DNM1L: variants seen among roughly 807,000 people sequenced by gnomAD.
DNM1L encodes dynamin-1-like protein.
In DNM1L, 33 loss-of-function variants were observed where a neutral mutation model predicts 92.8. The observed-to-expected ratio is 0.36, with a 90% CI of 0.27 to 0.48. DNM1L has a LOEUF of 0.48. Among genes scored for constraint, DNM1L ranks in the 20% least tolerant of loss-of-function variants. The pLI is 0.99. For synonymous variants in DNM1L, 284 were observed against 305.0 expected, an observed-to-expected ratio of 0.93 and a Z score of 0.72; for missense variants, 485 against 888.8, an observed-to-expected ratio of 0.55 and a Z score of 5.78.
rs772586756 is a variant in DNM1L, at chr12:32,679,344, G to A, written c.-20G>A. 1.3e-6 allele frequency: 2 copies of A among 1,594,544 alleles called. No homozygotes were observed. The highest frequency in any genetic ancestry group is 1.7e-5 in the Admixed American group (1 of 59,556). ...CATTGCCGTGGCCGGCGGGCACTGG[G>A]GCCCCGTGTTTTCAGAGTCATGGAG... On this transcript the variant is annotated 5_prime_UTR_variant, in exon 1 of 20. Coordinates refer to ENST00000549701, the MANE Select transcript of DNM1L (RefSeq NM_012062.5).
chr12:32,737,649 T>G, intron 14 of DNM1L: 1 of 526,554 alleles, frequency 1.9e-6, no homozygotes. Context: ...AGCTTTTGGA[T>G]TTGGATTTTT....
chr12:32,714,215 T>C (rs1399565471), intron 6 of DNM1L, among the ~76,000 whole-genome samples: 2 of 151,914 alleles, frequency 1.3e-5, no homozygotes, highest in African/African-American at 4.8e-5. Context: ...TAGGAAATAG[T>C]GCTAAGACTG....
In DNM1L at chr12:32,731,186, T is replaced by C; in HGVS notation, c.1200+52T>C. The C allele has an allele frequency of 6.2e-7, 1 of 1,612,026 alleles. No homozygotes were observed. Among genetic ancestry groups the C allele is most frequent in the Non-Finnish European group, 8.5e-7 (1 of 1,178,618 alleles). ...TAAAAAAAAATGAGGTTAAAGTTTT[T>C]CTTACCCATATACTGTGTCTTTTTA... is the stretch of plus-strand genomic sequence containing the variant. On this transcript the variant is annotated intron_variant, in intron 10 of 19. Transcript: ENST00000549701. The surrounding 1 kb of genome is among the most constrained non-coding windows in gnomAD (Gnocchi z 5.1).
intron 1 of DNM1L, among the ~76,000 whole-genome samples, chr12:32,690,471 G>A (rs946162263): frequency 2.0e-5 from 3 of 152,102 alleles, no homozygotes; most frequent in Non-Finnish European, 2.9e-5. Flanking sequence ...TTCCCTGGTT[G>A]CCAGTTATCA....
chr12:32,721,503 CCTTG>C (rs1453489284), intron 8 of DNM1L, among the ~76,000 whole-genome samples: 7 of 151,868 alleles, frequency 4.6e-5, no homozygotes, highest in African/African-American at 1.7e-4. Context: ...TGCATTTTTT[CCTTG>C]CTTTTATTAT....
chr12:32,708,358 T>C (rs1953004306), intron 4 of DNM1L, 134 bp downstream of exon 4: 3 of 603,380 alleles, frequency 5.0e-6, no homozygotes, highest in South Asian at 4.1e-5. Context: ...GCGATGGACA[T>C]TGTAAATTCA....
Position 32,740,212 on chromosome 12 carries a change from AAG to A in DNM1L, c.1857_1858del (p.Gly620SerfsTer25). ...CCAATTATGCCAGCCAGTCCACAAA[AAG>A]GTCATGCCGTGAACCTGCTAGATGT... On this transcript the variant is annotated frameshift_variant, in exon 17 of 20. Transcript: ENST00000549701. LOFTEE classifies it high-confidence loss of function. 1 of 1,614,162 alleles carries A rather than the reference AAG, an allele frequency of 6.2e-7. No homozygotes were observed. The highest frequency in any genetic ancestry group is 1.1e-5 in the South Asian group (1 of 91,082).
intron 8 of DNM1L, 41 bp from the exon 9 acceptor site, chr12:32,722,386 A>G: frequency 6.4e-7 from 1 of 1,573,610 alleles, no homozygotes; most frequent in East Asian, 2.2e-5. Context: ...TTTAGAATAC[A>G]CAATTTTACT....
At chr12:32,730,515 T>G (rs1182519291) in intron 9 of DNM1L, among the ~76,000 whole-genome samples, 1 of 152,258 alleles carries the variant, frequency 6.6e-6, no homozygotes, top group Non-Finnish European at 1.5e-5. Flanking sequence ...CAAGCCTGGC[T>G]AACAAGCTAT....
At chr12:32,686,821 T>G (rs10844286) in intron 1 of DNM1L, among the ~76,000 whole-genome samples, 23,401 of 152,188 alleles carry the variant, frequency 0.15, 1,915 homozygotes, top group Middle Eastern at 0.21. Context: ...ATTATAGTCA[T>G]CCTAATGGGT....
At chr12:32,701,352 T>C in intron 1 of DNM1L, 63 bp from the exon 2 acceptor site, 3 of 1,413,086 alleles carry the variant, frequency 2.1e-6, no homozygotes, top group Non-Finnish European at 3.0e-6. Flanking sequence ...TAATATAGTT[T>C]ATTGAATTAA....
chr12:32,718,388 C>T (rs182109015), intron 6 of DNM1L, among the ~76,000 whole-genome samples: 19 of 151,848 alleles, frequency 1.3e-4, no homozygotes, highest in South Asian at 4.2e-4. Flanking sequence ...GTGATCCACC[C>T]GCCTTGGCCT....
chr12:32,742,053 AAG>A (rs1955337476), intron 18 of DNM1L, among the ~76,000 whole-genome samples: 1 of 152,102 alleles, frequency 6.6e-6, no homozygotes, highest in Non-Finnish European at 1.5e-5. Flanking sequence ...ATGCTTATTG[AAG>A]AGTTTTGAAA....
intron 13 of DNM1L, among the ~76,000 whole-genome samples, chr12:32,734,532 C>CGTG (rs1565537919): frequency 1.3e-5 from 2 of 152,180 alleles, no homozygotes; most frequent in South Asian, 2.1e-4. Context: ...GGTGGCCAGA[C>CGTG]GTGGTGGCTC....
intron 9 of DNM1L, among the ~76,000 whole-genome samples, chr12:32,727,724 T>G (rs528805979): frequency 3.3e-5 from 5 of 152,326 alleles, no homozygotes; most frequent in Admixed American, 2.6e-4. Context: ...ATTATCAGTC[T>G]GAAGATTTGC....
At chr12:32,712,649 C>CAAAAAAAAAAAAAAAAA (rs59906286) in intron 5 of DNM1L, among the ~76,000 whole-genome samples, 1 of 29,780 alleles carries the variant, frequency 3.4e-5, no homozygotes, top group East Asian at 1.6e-3. Context: ...GACCCTGTCT[C>CAAAAAAAAAAAAAAAAA]AAAAAAAAAA....
Position 32,680,118 on chromosome 12 carries a change from T to A in DNM1L, c.102+653T>A, listed in dbSNP as rs574376223. ...CGGGTGTTGGGAAGGAATATCCGATTTTTCTGCGTAGGCTGTGCTTTTTGT... is the reference window on the plus strand; with the variant it reads ...CGGGTGTTGGGAAGGAATATCCGATATTTCTGCGTAGGCTGTGCTTTTTGT... On this transcript the variant is annotated intron_variant, in intron 1 of 19. Transcript: ENST00000549701. The A allele has an allele frequency of 1.0e-5, 7 of 676,170 alleles. No homozygotes were observed. In the South Asian group the frequency reaches 4.6e-4, roughly 44 times the overall value. 41.9% of individuals were successfully genotyped at this position (676,170 alleles called of 1,614,324 possible).
At chr12:32,701,933 G>T (rs1409396280) in intron 2 of DNM1L, among the ~76,000 whole-genome samples, 2 of 150,936 alleles carry the variant, frequency 1.3e-5, no homozygotes, top group Non-Finnish European at 3.0e-5. Flanking sequence ...TCACTTTGTT[G>T]GCCAGGCTGG....
At position 32,725,004 on chromosome 12, in the gene DNM1L, A is replaced by G. The variant is rs10844322; in HGVS notation, c.1079+2371A>G. Among the ~76,000 whole-genome samples the G allele has an allele frequency of 1.2e-3, 183 of 151,948 alleles. No homozygotes were observed. In the East Asian group the frequency reaches 0.027, roughly 23 times the overall value. On this transcript the variant is annotated intron_variant, in intron 9 of 19. Transcript: ENST00000549701. ...AAGAAACCACACAGAAGCTTGGGGC[A>G]TTCTCTCTAGCTCTACCCCAAAGAA...
Sources: allele counts gnomAD v4.1 joint callset (sites outside exome capture counted in the v4.1 genomes callset), GRCh38; gene constraint gnomAD v4.1.1; non-coding constraint Gnocchi (gnomAD v3.1); transcripts MANE v1.5; gene names NCBI Gene and HGNC (gene_info 2026-07-23, HGNC 2026-07-21).